The following ACOX3 variants were observed in gnomAD, a reference collection of about 807,000 sequenced individuals.
ACOX3 encodes acyl-CoA oxidase 3, pristanoyl.
Under a neutral mutation model 81.5 loss-of-function variants are expected in ACOX3, and 73 were observed. That is an observed-to-expected ratio of 0.90 (90% CI 0.74 to 1.09). The LOEUF (loss-of-function observed/expected upper bound fraction) is 1.09. Among genes scored for constraint, ACOX3 ranks in the 50% least tolerant of loss-of-function variants. The pLI is 0.00. For synonymous variants in ACOX3, 387 were observed against 375.1 expected (o/e 1.03, Z -0.37); for missense variants, 947 against 928.0 (o/e 1.02, Z -0.27).
chr4:8,369,184 C>T (rs556173144), intron 17 of ACOX3, among the ~76,000 whole-genome samples: 1 of 152,142 alleles, frequency 6.6e-6, no homozygotes, highest in African/African-American at 2.4e-5. Context: ...TTCTCCTGCA[C>T]GGGGCAGACA....
At position 8,416,420 on chromosome 4, in the gene ACOX3, C is replaced by G. The variant is rs762172759; in HGVS notation, c.102G>C (p.Glu34Asp). 6.2e-7 allele frequency: 1 copy of G among 1,614,228 alleles called. No individual in the cohort carries two copies. The highest frequency in any genetic ancestry group is 1.7e-5 in the Admixed American group (1 of 60,036). ...CCTCCCCTTCCGTGAACAGCGCCAG[C>G]TCCTTCCAGCTGAAGGACGCTCTTG... is the stretch of plus-strand genomic sequence containing the variant. Reference protein sequence around the residue: ...YRARASFSWKELALFTEGEGM... With the variant: ...YRARASFSWKDLALFTEGEGM... The change falls in exon 2 of 18, where the codon GAG becomes GAC. Residue 34 changes from glutamate to aspartate, a missense_variant. Physicochemically the swap from Glu to Asp is conservative, Grantham distance 45 (BLOSUM62 2). Coordinates refer to ENST00000356406, the MANE Select transcript of ACOX3 (RefSeq NM_003501.3). This position sits in a 1 kb window ranked among gnomAD's most constrained non-coding sequence, Gnocchi z 4.2.
Position 8,375,092 on chromosome 4 carries a change from G to A in ACOX3, c.1714C>T (p.His572Tyr), listed in dbSNP as rs199766636. The change falls in exon 15 of 18, where the codon CAC (histidine) becomes TAC (tyrosine). Residue 572 changes from histidine (H) to tyrosine (Y), a missense_variant. His to Tyr is a moderately conservative substitution (Grantham distance 83, BLOSUM62 2). Coordinates refer to ENST00000356406, the MANE Select transcript of ACOX3 (RefSeq NM_003501.3). ...ACGGAAGGCTGGTGCACGTGCTCGT[G>A]GAACCTCTGGACCACCGTGAGCTCC... ...FVELTVVQRF[H>Y]EHVHQPSVPP... The A allele has an allele frequency of 1.1e-4, 171 of 1,553,868 alleles. No homozygotes were observed. In the Middle Eastern group the frequency reaches 1.9e-3, roughly 17 times the overall value.
At chr4:8,374,956 A>G in intron 15 of ACOX3, 22 bp downstream of exon 15, 2 of 1,484,942 alleles carry the variant, frequency 1.3e-6, no homozygotes, top group South Asian at 2.6e-5. Flanking sequence ...GAGGACAGCA[A>G]GCCCGCAGTC....
At chr4:8,356,946 G>T in the ACOX3 span, 1 of 414,160 alleles carries the variant, frequency 2.4e-6, no homozygotes, top group Non-Finnish European at 4.5e-6. Flanking sequence ...AGAAGAAGAA[G>T]GTGAAGTGAG....
rs1722411829 is a variant in ACOX3, at chr4:8,416,992, T to C, written c.-14-457A>G. ...TGGCCACACACAATGGTACCTCACG[T>C]CTCCACCCACCGCCGGTCCACCTGG... On this transcript the variant is annotated intron_variant, in intron 1 of 17. Transcript: ENST00000356406. The surrounding 1 kb of genome is among the most constrained non-coding windows in gnomAD (Gnocchi z 4.2). 6.6e-6 allele frequency among the ~76,000 whole-genome samples: 1 copy of C among 152,094 alleles called. No homozygotes were observed.
intron 6 of ACOX3, among the ~76,000 whole-genome samples, chr4:8,408,901 GGGT>G (rs1374538154): frequency 2.2e-4 from 12 of 54,808 alleles, no homozygotes; most frequent in Admixed American, 4.6e-4. Context: ...TGGGGGGGGG[GGGT>G]GGGGGGGGGG....
At chr4:8,395,908 T>A (rs73209488) in intron 9 of ACOX3, among the ~76,000 whole-genome samples, 2,132 of 152,370 alleles carry the variant, frequency 0.014, 21 homozygotes, top group South Asian at 0.034. Context: ...CAGCTTGGCC[T>A]GGGACCTGGG....
chr4:8,409,311 C>T (rs1721411650), intron 6 of ACOX3, among the ~76,000 whole-genome samples: 1 of 152,212 alleles, frequency 6.6e-6, no homozygotes, highest in Non-Finnish European at 1.5e-5. Flanking sequence ...CACTGGGGGA[C>T]ATTGGGCTGG....
rs1722713784 is a variant in ACOX3, at chr4:8,419,558, A to C, written c.-14-3023T>G. Among the ~76,000 whole-genome samples the C allele has an allele frequency of 6.6e-6, 1 of 152,204 alleles. No individual in the cohort carries two copies. Among genetic ancestry groups the C allele is most frequent in the Non-Finnish European group, 1.5e-5 (1 of 68,026 alleles). On this transcript the variant is annotated intron_variant, in intron 1 of 17. Transcript: ENST00000356406. The surrounding 1 kb of genome is among the most constrained non-coding windows in gnomAD (Gnocchi z 4.2). ...TAAAGTGACCCAGCCATTCTGGAGA[A>C]CAGTGTGGCAGTTCCACAAGTGATT...
chr4:8,370,697 G>C lies in ACOX3; in HGVS notation c.1983+211C>G, dbSNP rs1040864992. 6.6e-6 allele frequency among the ~76,000 whole-genome samples: 1 copy of C among 152,226 alleles called. No individual in the cohort carries two copies. The highest frequency in any genetic ancestry group is 1.9e-4 in the East Asian group (1 of 5,162). ...TCTCGGGAGGAAAAGGCAGGCAGGG[G>C]ATGGGCAAGTCCCCTGCAACCACAG... On this transcript the variant is annotated intron_variant, in intron 17 of 17. Transcript: ENST00000356406. The surrounding 1 kb of genome is among the most constrained non-coding windows in gnomAD (Gnocchi z 6.3).
chr4:8,403,069 G>A (rs949220970), intron 7 of ACOX3, among the ~76,000 whole-genome samples: 5 of 152,172 alleles, frequency 3.3e-5, no homozygotes, highest in Admixed American at 6.5e-5. Flanking sequence ...ACTATCACTT[G>A]AGAAGATCTT....
At chr4:8,427,515 C>G (rs1029766690) in intron 1 of ACOX3, among the ~76,000 whole-genome samples, 7 of 152,230 alleles carry the variant, frequency 4.6e-5, no homozygotes, top group Admixed American at 3.9e-4. Flanking sequence ...TTGCTGCTCC[C>G]GGGCTAGAGA....
chr4:8,362,351 T>C (rs541900369), downstream of ACOX3, among the ~76,000 whole-genome samples: 120 of 152,388 alleles, frequency 7.9e-4, 3 homozygotes, highest in South Asian at 0.023. Flanking sequence ...AAGGAAACTT[T>C]TCTTTTGAGC....
chr4:8,407,521 G>A lies in ACOX3; in HGVS notation c.688-1478C>T, dbSNP rs1380526635. On this transcript the variant is annotated intron_variant, in intron 6 of 17. Coordinates refer to ENST00000356406, the MANE Select transcript of ACOX3 (RefSeq NM_003501.3). This position sits in a 1 kb window ranked among gnomAD's most constrained non-coding sequence, Gnocchi z 4.6. Reference sequence around the variant, plus strand: ...ATTTCAGACCCCGGCCTCCAGAGTTGGGAGAATACGTTATGCTGTTTCGAG... The same window carrying A: ...ATTTCAGACCCCGGCCTCCAGAGTTAGGAGAATACGTTATGCTGTTTCGAG... Among the ~76,000 whole-genome samples the A allele has an allele frequency of 6.6e-6, 1 of 152,204 alleles. No individual in the cohort carries two copies. Among genetic ancestry groups the A allele is most frequent in the African/African-American group, 2.4e-5 (1 of 41,446 alleles).
At chr4:8,404,452 T>G (rs1720710176) in intron 7 of ACOX3, among the ~76,000 whole-genome samples, 2 of 147,630 alleles carry the variant, frequency 1.4e-5, no homozygotes, top group South Asian at 2.1e-4. Context: ...TTTTTTTTTT[T>G]GCCTGAAATC....
rs544968299 is a variant in ACOX3 at position 8,411,771 on chromosome 4, G to A, written c.544-1416C>T. ...ATCTCACTTCTTTCTGTTGGTGTCT[G>A]TGTCTCCCCCCAGCCCACAACTTCA... On this transcript the variant is annotated intron_variant, in intron 5 of 17. Coordinates refer to ENST00000356406, the MANE Select transcript of ACOX3 (RefSeq NM_003501.3). Among the ~76,000 whole-genome samples, 6 of 152,328 alleles carry A rather than the reference G, an allele frequency of 3.9e-5. 1 individual carries two copies. The South Asian group carries it at 1.2e-3, about 32-fold the overall frequency.
rs890096124 is a variant in ACOX3 at position 8,386,816 on chromosome 4, G to C, written c.1537+2357C>G. Among the ~76,000 whole-genome samples the C allele has an allele frequency of 6.6e-6, 1 of 152,218 alleles. No homozygotes were observed. The highest frequency in any genetic ancestry group is 1.5e-5 in the Non-Finnish European group (1 of 68,044). On this transcript the variant is annotated intron_variant, in intron 13 of 17. Coordinates refer to ENST00000356406, the MANE Select transcript of ACOX3 (RefSeq NM_003501.3). The surrounding 1 kb of genome is among the most constrained non-coding windows in gnomAD (Gnocchi z 5.2). ...CCGGCCCAGGCTCCACACCGGCTTC[G>C]GCCACGGCTGTTGTCCTGTTCTTTG...
chr4:8,367,172 G>C (rs1560161844), intron 17 of ACOX3, 92 bp from the exon 18 acceptor site: 2 of 1,517,734 alleles, frequency 1.3e-6, no homozygotes, highest in South Asian at 2.4e-5. Context: ...ACTCCTCAAA[G>C]TTTTTGTTAA....
intron 14 of ACOX3, among the ~76,000 whole-genome samples, chr4:8,378,258 A>T (rs1045627072): frequency 2.6e-5 from 4 of 152,222 alleles, no homozygotes; most frequent in African/African-American, 9.6e-5. Flanking sequence ...ACTCTGTGAC[A>T]GCTGGCCCGG....
Sources: gnomAD v4.1 joint callset for allele counts (sites outside exome capture counted in the v4.1 genomes callset) on GRCh38, gnomAD v4.1.1 for gene constraint, Gnocchi (gnomAD v3.1) non-coding constraint, MANE v1.5 for transcripts, NCBI Gene and HGNC (gene_info 2026-07-23, HGNC 2026-07-21) for gene names.